Variants in OTOG observed in about 807,000 individuals in gnomAD.
OTOG encodes the protein otogelin.
OTOG carries 296 observed loss-of-function variants against 313.8 expected under a neutral mutation model. The ratio of observed to expected loss-of-function variants is 0.94; its 90% CI spans 0.86 to 1.04. OTOG has a LOEUF of 1.04. Ranked by LOEUF, OTOG falls within the 50% of genes least tolerant of loss-of-function variation. The pLI, the probability that OTOG is intolerant of heterozygous loss-of-function variation, is 0.00. For missense variants in OTOG, 3,948 were observed against 3,840.1 expected (o/e 1.03, Z -0.74); for synonymous variants, 1,533 against 1,554.9 (o/e 0.99, Z 0.33).
At chr11:17,574,637 C>G in intron 19 of OTOG, 83 bp from the exon 20 acceptor site, 14 of 1,326,982 alleles carry the variant, frequency 1.1e-5, no homozygotes, top group Non-Finnish European at 1.4e-5. Context: ...GATCTCCATT[C>G]TCCTCATCAG....
At chr11:17,592,145 G>A (rs1407654477) in intron 25 of OTOG, among the ~76,000 whole-genome samples, 2 of 152,174 alleles carry the variant, frequency 1.3e-5, no homozygotes, top group African/African-American at 4.8e-5. Flanking sequence ...AACTGGTGAT[G>A]TGGGGGGCAC....
chr11:17,553,977 G>C (rs925780263), intron 6 of OTOG, among the ~76,000 whole-genome samples: 1 of 152,236 alleles, frequency 6.6e-6, no homozygotes, highest in Non-Finnish European at 1.5e-5. Flanking sequence ...GAAGGATGGT[G>C]ACCTGGGAAA....
rs1271140552 is a variant in OTOG at position 17,602,375 on chromosome 11, A to C, written c.3875A>C (p.His1292Pro). Residue 1292 changes from histidine to proline, a missense_variant and splice_region_variant, in exon 32 of 56, where the codon CAT becomes CCT. Transcript: ENST00000399397. ...GCTGCTCTGTACAAGGCCAAGGCCCATGGTAAGGCCCATCCCAGTCCCACT... is the reference window on the plus strand; with the variant it reads ...GCTGCTCTGTACAAGGCCAAGGCCCCTGGTAAGGCCCATCCCAGTCCCACT... ...LTAALYKAKAHDPDVVSLEAA... is the reference protein window; with the variant it reads ...LTAALYKAKAPDPDVVSLEAA... The C allele has an allele frequency of 6.5e-7, 1 of 1,549,720 alleles. No homozygotes were observed. Among genetic ancestry groups the C allele is most frequent in the Non-Finnish European group, 8.7e-7 (1 of 1,146,518 alleles).
In OTOG at chr11:17,572,089, G is replaced by A. The variant is rs1403283179; in HGVS notation, c.1965G>A (p.Val655=). 9.7e-6 allele frequency: 15 copies of A among 1,550,330 alleles called. No homozygotes were observed. Among genetic ancestry groups the A allele is most frequent in the Non-Finnish European group, 1.2e-5 (14 of 1,146,944 alleles). Reference sequence around the variant, plus strand: ...TGTGACATGGCTGCAGGTCTCCAGTGGGTGTACCTGAGAGCACCCCACAAC... The same window carrying A: ...TGTGACATGGCTGCAGGTCTCCAGTAGGTGTACCTGAGAGCACCCCACAAC... ...GNTQDDFLSP[V]GVPESTPQLF... The change falls in exon 18 of 56, where the codon GTG becomes GTA. Residue 655 remains valine (V), a synonymous_variant. Transcript: ENST00000399397.
At chr11:17,559,235 C>T (rs1852124985) in intron 11 of OTOG, 74 bp downstream of exon 11, 1 of 1,144,208 alleles carries the variant, frequency 8.7e-7, no homozygotes, top group African/African-American at 1.6e-5. Flanking sequence ...AGCTCAATGT[C>T]TTGTCCTGCT....
chr11:17,553,612 C>T (rs942225655), intron 6 of OTOG, 93 bp downstream of exon 6: 1 of 1,160,942 alleles, frequency 8.6e-7, no homozygotes, highest in South Asian at 3.6e-5. Context: ...GTTAGAGAGA[C>T]TGGCACCTTC....
intron 17 of OTOG, among the ~76,000 whole-genome samples, chr11:17,571,685 C>T (rs144665363): frequency 2.3e-3 from 351 of 152,254 alleles, no homozygotes; most frequent in Non-Finnish European, 4.3e-3. Flanking sequence ...AAGCCATATT[C>T]ATTCCCCGCC....
At chr11:17,588,004 T>C (rs1427682858) in intron 24 of OTOG, among the ~76,000 whole-genome samples, 1 of 152,052 alleles carries the variant, frequency 6.6e-6, no homozygotes, top group Non-Finnish European at 1.5e-5. Flanking sequence ...CTCCTGTGAG[T>C]GCATTGTGCT....
At chr11:17,645,164 T>C (rs1848048102) in intron 54 of OTOG, among the ~76,000 whole-genome samples, 1 of 152,208 alleles carries the variant, frequency 6.6e-6, no homozygotes, top group South Asian at 2.1e-4. Context: ...ATAATCTTAA[T>C]GCTAGAAGCC....
At chr11:17,599,366 C>A (rs1452067787) in intron 30 of OTOG, among the ~76,000 whole-genome samples, 1 of 152,220 alleles carries the variant, frequency 6.6e-6, no homozygotes, top group African/African-American at 2.4e-5. Context: ...CTCTTTGGCG[C>A]CACACAAAAT....
At chr11:17,617,914 T>A (rs1246202869) in intron 39 of OTOG, among the ~76,000 whole-genome samples, 3 of 150,120 alleles carry the variant, frequency 2.0e-5, no homozygotes, top group African/African-American at 5.0e-5. Context: ...TTCTTCTTCT[T>A]CTATTTTTTT....
In OTOG at chr11:17,557,256, G is replaced by A; in HGVS notation, c.798G>A (p.Leu266=). 1 of 1,550,640 alleles carries A rather than the reference G, an allele frequency of 6.4e-7. No individual in the cohort carries two copies. The highest frequency in any genetic ancestry group is 8.7e-7 in the Non-Finnish European group (1 of 1,147,026). Residue 266 remains leucine (L), a synonymous_variant, in exon 8 of 56, where the codon CTG becomes CTA. Coordinates refer to ENST00000399397, the MANE Select transcript of OTOG (RefSeq NM_001292063.2). ...ACATCAAGATGAGTCCAGAGCTTCTGGGCTGGACCCATGGGCTGTGTGGGA... is the reference window on the plus strand; with the variant it reads ...ACATCAAGATGAGTCCAGAGCTTCTAGGCTGGACCCATGGGCTGTGTGGGA... ...AVYIKMSPEL[L]GWTHGLCGNN...
At chr11:17,630,087 C>G (rs1443904954) in intron 40 of OTOG, among the ~76,000 whole-genome samples, 1 of 152,162 alleles carries the variant, frequency 6.6e-6, no homozygotes, top group African/African-American at 2.4e-5. Flanking sequence ...TCTACACATG[C>G]ACTAACACAT....
rs938381166 is a variant in OTOG at position 17,578,401 on chromosome 11, C to T, written c.2634C>T (p.Phe878=). 28 of 1,533,888 alleles carry T rather than the reference C, an allele frequency of 1.8e-5. No individual in the cohort carries two copies. Among genetic ancestry groups the T allele is most frequent in the Non-Finnish European group, 2.0e-5 (23 of 1,142,898 alleles). Residue 878 remains phenylalanine, a synonymous_variant, in exon 23 of 56, where the codon TTC becomes TTT. Transcript: ENST00000399397. Reference sequence around the variant, plus strand: ...CTGCCTGCCCAGCAGGCCAGGTCTTCGTGAACTGCAGCGACCTGCACACGG... The same window carrying T: ...CTGCCTGCCCAGCAGGCCAGGTCTTTGTGAACTGCAGCGACCTGCACACGG... The part of the protein sequence containing the change: ...PAAACPAGQV[F]VNCSDLHTDL...
intron 47 of OTOG, among the ~76,000 whole-genome samples, chr11:17,636,888 G>T (rs576114991): frequency 1.3e-5 from 2 of 152,190 alleles, no homozygotes; most frequent in South Asian, 4.2e-4. Flanking sequence ...GTAAAATAGC[G>T]ATGCTAGTAT....
chr11:17,560,669 G>A (rs1407801996), intron 12 of OTOG, 40 bp from the exon 13 acceptor site: 1 of 1,448,122 alleles, frequency 6.9e-7, no homozygotes, highest in Admixed American at 2.0e-5. Flanking sequence ...TTGTGAACAG[G>A]GGCAAAGGTG....
At position 17,633,682 on chromosome 11, in the gene OTOG, T is replaced by G. The variant is rs1468967391; in HGVS notation, c.7075T>G (p.Phe2359Val). ...TGGTGCCCACTGTGCCCCTGCAGCCTTCCTGTGCTCCAGCGACTCCACATA... is the reference window on the plus strand; with the variant it reads ...TGGTGCCCACTGTGCCCCTGCAGCCGTCCTGTGCTCCAGCGACTCCACATA... Reference protein sequence around the residue: ...IEWRRSDYCPFLCSSDSTYQA... With the variant: ...IEWRRSDYCPVLCSSDSTYQA... Residue 2359 changes from phenylalanine to valine, a missense_variant and splice_region_variant, in exon 43 of 56, where the codon TTC (phenylalanine) becomes GTC (valine). Coordinates refer to ENST00000399397, the MANE Select transcript of OTOG (RefSeq NM_001292063.2). 9 of 1,530,418 alleles carry G rather than the reference T, an allele frequency of 5.9e-6. No individual in the cohort carries two copies. Among genetic ancestry groups the G allele is most frequent in the African/African-American group, 1.4e-5 (1 of 72,704 alleles). 94.8% of individuals were successfully genotyped at this position (1,530,418 alleles called of 1,614,324 possible).
intron 3 of OTOG, 63 bp downstream of exon 3, chr11:17,548,275 C>T: frequency 7.1e-7 from 1 of 1,414,290 alleles, no homozygotes; most frequent in Non-Finnish European, 9.5e-7. Flanking sequence ...GGATCTGAGG[C>T]TGGCAGGGAG....
intron 53 of OTOG, among the ~76,000 whole-genome samples, chr11:17,642,925 C>T (rs1848004906): frequency 6.6e-6 from 1 of 152,210 alleles, no homozygotes; most frequent in Admixed American, 6.5e-5. Flanking sequence ...ATCACACACA[C>T]ATACTGAGAC....
Sources: gnomAD v4.1 joint callset for allele counts (sites outside exome capture counted in the v4.1 genomes callset) on GRCh38, gnomAD v4.1.1 for gene constraint, MANE v1.5 for transcripts, NCBI Gene and HGNC (gene_info 2026-07-23, HGNC 2026-07-21) for gene names.